The following SLC26A7 variants were observed in gnomAD, a reference collection of about 807,000 sequenced individuals.
SLC26A7 encodes the protein anion exchange transporter.
SLC26A7 carries 59 observed loss-of-function variants against 82.5 expected under a neutral mutation model. The observed-to-expected ratio is 0.72, with a 90% CI of 0.58 to 0.89. The LOEUF (loss-of-function observed/expected upper bound fraction) is 0.89, where lower values mean the gene tolerates loss of function less well. Ranked by LOEUF, SLC26A7 falls within the 40% of genes least tolerant of loss-of-function variation. The pLI, the probability that SLC26A7 is intolerant of heterozygous loss-of-function variation, is 0.00. For synonymous variants in SLC26A7, 271 were observed against 274.3 expected (o/e 0.99, Z 0.12); for missense variants, 820 against 793.0 (o/e 1.03, Z -0.41).
chr8:91,238,293 A>G (rs1379221779), intron 2 of SLC26A7, among the ~76,000 whole-genome samples: 1 of 151,938 alleles, frequency 6.6e-6, no homozygotes, highest in East Asian at 1.9e-4. Flanking sequence ...GGGATTCTTT[A>G]TTCTTTATTT....
At chr8:91,266,802 C>G (rs1249724671) in intron 2 of SLC26A7, among the ~76,000 whole-genome samples, 3 of 151,874 alleles carry the variant, frequency 2.0e-5, no homozygotes, top group Non-Finnish European at 4.4e-5. Flanking sequence ...AAATGGACAT[C>G]CTTGTCTTGT....
chr8:91,353,092 T>C (rs570598786), intron 11 of SLC26A7, 96 bp downstream of exon 11: 2 of 807,162 alleles, frequency 2.5e-6, no homozygotes, highest in Non-Finnish European at 3.9e-6. Flanking sequence ...ATAGATATTG[T>C]CATTTGAGAC....
At chr8:91,317,978 CAA>C (rs531640985) in intron 4 of SLC26A7, among the ~76,000 whole-genome samples, 1 of 140,796 alleles carries the variant, frequency 7.1e-6, no homozygotes, top group African/African-American at 2.7e-5. Flanking sequence ...TAAAAATAAA[CAA>C]AAAAAATAAA....
chr8:91,264,386 C>G (rs1361324055), intron 2 of SLC26A7, among the ~76,000 whole-genome samples: 1 of 152,110 alleles, frequency 6.6e-6, no homozygotes, highest in African/African-American at 2.4e-5. Context: ...ACAGATGTAT[C>G]CCTGGATAGA....
intron 4 of SLC26A7, among the ~76,000 whole-genome samples, chr8:91,317,948 AT>A: frequency 6.8e-6 from 1 of 146,910 alleles, no homozygotes. Context: ...AGATATATAT[AT>A]ATATATATAA....
At chr8:91,353,760 C>G (rs1228287309) in intron 11 of SLC26A7, among the ~76,000 whole-genome samples, 1 of 151,988 alleles carries the variant, frequency 6.6e-6, no homozygotes, top group African/African-American at 2.4e-5. Context: ...ATGCTGGTGC[C>G]TACTTTTGTA....
intron 13 of SLC26A7, among the ~76,000 whole-genome samples, chr8:91,364,512 A>C (rs181444707): frequency 1.3e-5 from 2 of 152,156 alleles, no homozygotes; most frequent in Non-Finnish European, 2.9e-5. Flanking sequence ...CAAGTTTTCC[A>C]CCAACTTTGC....
At chr8:91,305,523 A>G (rs1236723342) in intron 4 of SLC26A7, among the ~76,000 whole-genome samples, 3 of 152,142 alleles carry the variant, frequency 2.0e-5, no homozygotes, top group Admixed American at 2.0e-4. Context: ...CTGTATGACT[A>G]TTGTTTTATT....
In SLC26A7 at chr8:91,231,428, A is replaced by G. The variant is rs184693687; in HGVS notation, c.-34+12423A>G. Among the ~76,000 whole-genome samples the G allele has an allele frequency of 9.6e-4, 146 of 152,322 alleles. 2 individuals are homozygous for G. The highest frequency in any genetic ancestry group is 3.7e-4 in the Non-Finnish European group (25 of 68,014). ...GGGACATGTACAGAAGGCTCTTGTA[A>G]TGGCGAGAAGGCCAAAATCACACAC... On this transcript the variant is annotated intron_variant, in intron 2 of 5. Transcript: ENST00000522862.
At chr8:91,354,355 A>G (rs895344136) in intron 11 of SLC26A7, among the ~76,000 whole-genome samples, 10 of 152,276 alleles carry the variant, frequency 6.6e-5, no homozygotes, top group African/African-American at 2.4e-4. Context: ...ATGCAAAGAT[A>G]CAGAGATGAG....
At chr8:91,321,907 TC>T (rs1376007720) in intron 5 of SLC26A7, among the ~76,000 whole-genome samples, 1 of 101,460 alleles carries the variant, frequency 9.9e-6, no homozygotes, top group Non-Finnish European at 2.7e-5. Context: ...AGTTGTCTTG[TC>T]TGTTTTGTGC....
At chr8:91,235,062 G>T (rs1341099995) in intron 2 of SLC26A7, among the ~76,000 whole-genome samples, 1 of 152,048 alleles carries the variant, frequency 6.6e-6, no homozygotes, top group African/African-American at 2.4e-5. Context: ...TGAGATTACA[G>T]GCATGAGTGA....
intron 2 of SLC26A7, among the ~76,000 whole-genome samples, chr8:91,224,148 T>G (rs531124678): frequency 3.3e-5 from 5 of 152,244 alleles, no homozygotes; most frequent in African/African-American, 1.2e-4. Context: ...ATTGTTGTTT[T>G]TTTATTACCC....
intron 5 of SLC26A7, among the ~76,000 whole-genome samples, chr8:91,325,700 C>T (rs1168357672): frequency 6.6e-6 from 1 of 152,134 alleles, no homozygotes; most frequent in Admixed American, 6.5e-5. Context: ...GTCTCCTCTT[C>T]AAAGAGGTAG....
At chr8:91,268,541 T>C (rs1811176479) in intron 2 of SLC26A7, among the ~76,000 whole-genome samples, 1 of 151,788 alleles carries the variant, frequency 6.6e-6, no homozygotes, top group African/African-American at 2.4e-5. Flanking sequence ...ATGAAGTGGG[T>C]TTTTTGTAGG....
intron 2 of SLC26A7, among the ~76,000 whole-genome samples, chr8:91,284,553 G>A (rs1337369893): frequency 6.6e-6 from 1 of 152,060 alleles, no homozygotes; most frequent in Non-Finnish European, 1.5e-5. Context: ...AACAGGCTTC[G>A]TCTCCTAAAA....
At chr8:91,233,284 G>A (rs1469665437) in intron 2 of SLC26A7, among the ~76,000 whole-genome samples, 1 of 152,112 alleles carries the variant, frequency 6.6e-6, no homozygotes, top group African/African-American at 2.4e-5. Flanking sequence ...TGTGGGAGAG[G>A]GGCAGGGCGC....
intron 15 of SLC26A7, among the ~76,000 whole-genome samples, chr8:91,381,534 T>C (rs1814670576): frequency 6.6e-6 from 1 of 152,142 alleles, no homozygotes; most frequent in Non-Finnish European, 1.5e-5. Context: ...CCTTGCTCTC[T>C]TTCTGAACTG....
chr8:91,283,008 A>G (rs1254778531), intron 2 of SLC26A7, among the ~76,000 whole-genome samples: 2 of 151,990 alleles, frequency 1.3e-5, no homozygotes, highest in Non-Finnish European at 2.9e-5. Flanking sequence ...TTCCCCCTTT[A>G]TTGTTTAGTT....
Sources: allele counts gnomAD v4.1 joint callset (sites outside exome capture counted in the v4.1 genomes callset), GRCh38; gene constraint gnomAD v4.1.1; transcripts MANE v1.5; gene names NCBI Gene and HGNC (gene_info 2026-07-23, HGNC 2026-07-21).